Variants in DHRS12 observed in about 807,000 individuals in gnomAD.
The protein encoded by DHRS12 is dehydrogenase/reductase 12, also known as dehydrogenase/reductase SDR family member 12.
In DHRS12, 29 loss-of-function variants were observed where a neutral mutation model predicts 32.1. The observed-to-expected ratio is 0.90, with a 90% CI of 0.67 to 1.23. The LOEUF is 1.23. Among genes scored for constraint, DHRS12 ranks in the 50% most tolerant of loss-of-function variants. DHRS12 has a pLI of 0.00. For synonymous variants in DHRS12, 150 were observed against 135.9 expected (o/e 1.10, Z -0.72); for missense variants, 330 against 337.2 (o/e 0.98, Z 0.17).
Position 51,790,011 on chromosome 13 carries a change from C to A in DHRS12, c.301G>T (p.Gly101Cys). Reference sequence around the variant, plus strand: ...AAATAAGAAAACTTCTTGTACTTACCCAGAGTATTGGCAGCAAAGTTTTTT... The same window carrying A: ...AAATAAGAAAACTTCTTGTACTTACACAGAGTATTGGCAGCAAAGTTTTTT... ...LEKNFAANTL[G>C]VYILTTGLIP... Residue 101 changes from glycine to cysteine, a missense_variant and splice_region_variant, in exon 4 of 9, where the codon GGT (glycine) becomes TGT (cysteine). Physicochemically the swap from Gly to Cys is radical, Grantham distance 159. Coordinates refer to ENST00000444610, the MANE Select transcript of DHRS12 (RefSeq NM_001377533.1). The A allele has an allele frequency of 3.1e-6, 5 of 1,597,506 alleles. No individual in the cohort carries two copies. Among genetic ancestry groups the A allele is most frequent in the Non-Finnish European group, 1.7e-6 (2 of 1,174,312 alleles).
chr13:51,770,087 T>A lies in DHRS12; in HGVS notation c.560-794A>T, dbSNP rs114765799. 3.9e-3 allele frequency among the ~76,000 whole-genome samples: 592 copies of A among 152,334 alleles called. 4 individuals are homozygous for A. The highest frequency in any genetic ancestry group is 0.013 in the African/African-American group (546 of 41,566). ...ACAATTAAGAGCCTTACTGAGATCATGGAATTTTAGAGCTAGAAAGGATCA... is the reference window on the plus strand; with the variant it reads ...ACAATTAAGAGCCTTACTGAGATCAAGGAATTTTAGAGCTAGAAAGGATCA... On this transcript the variant is annotated intron_variant, in intron 7 of 8. Transcript: ENST00000444610.
At chr13:51,772,842 G>A in intron 6 of DHRS12, 1 of 985,428 alleles carries the variant, frequency 1.0e-6, no homozygotes. Context: ...CAAATGTCAG[G>A]ATTTGGAGTC....
intron 6 of DHRS12, chr13:51,772,782 T>C (rs1173864499): frequency 4.1e-6 from 4 of 985,386 alleles, no homozygotes; most frequent in Admixed American, 1.2e-4. Flanking sequence ...TACAAGTGGA[T>C]GGTTTATTCC....
intron 4 of DHRS12, among the ~76,000 whole-genome samples, chr13:51,779,673 C>T (rs2139083995): frequency 6.6e-6 from 1 of 152,332 alleles, no homozygotes; most frequent in Non-Finnish European, 1.5e-5. Context: ...ACAGGTTCTC[C>T]TGTCCTGTCC....
chr13:51,768,042 A>C lies in DHRS12; in HGVS notation c.*145T>G. On this transcript the variant is annotated 3_prime_UTR_variant, in exon 9 of 9. Transcript: ENST00000444610. ...TCGGTAGTATTTATTTTGAAATAAA[A>C]GTTCCCATCCCTTGTAGGCCTCGCT... The C allele has an allele frequency of 7.0e-7, 1 of 1,431,248 alleles. No individual in the cohort carries two copies. The highest frequency in any genetic ancestry group is 1.5e-5 in the South Asian group (1 of 65,678). The allele number at this position is 1,431,248 out of a possible 1,614,324, so 88.7% of individuals were successfully genotyped here. A position where few individuals can be genotyped will look rare whatever the true frequency, so the allele number is the denominator to read the frequency against.
rs961440481 is a variant in DHRS12 at position 51,777,261 on chromosome 13, T to C, written c.302-140A>G. 6 of 801,058 alleles carry C rather than the reference T, an allele frequency of 7.5e-6. No individual in the cohort carries two copies. The East Asian group carries it at 1.6e-4, about 21-fold the overall frequency. The allele number at this position is 801,058 out of a possible 1,614,324, so 49.6% of individuals were successfully genotyped here. A position where few individuals can be genotyped will look rare whatever the true frequency, so the allele number is the denominator to read the frequency against. The stretch of plus-strand genomic sequence containing the variant: ...TGGCCACCTGAGGGGCAGTCCCTCC[T>C]TCCGAGGATCCTTCAAGCCAAATGT... On this transcript the variant is annotated intron_variant, in intron 4 of 8. Coordinates refer to ENST00000444610, the MANE Select transcript of DHRS12 (RefSeq NM_001377533.1).
chr13:51,803,953 G>A (rs1380101745), intron 1 of DHRS12, 101 bp downstream of exon 1: 4 of 1,129,870 alleles, frequency 3.5e-6, no homozygotes, highest in South Asian at 2.7e-5. Flanking sequence ...CCCAGCGAGA[G>A]GGCGAAGGAG....
chr13:51,759,973 TATAAA>T, the DHRS12 span: 1 of 514,640 alleles, frequency 1.9e-6, no homozygotes, highest in Non-Finnish European at 3.5e-6. Flanking sequence ...GTTCATACAA[TATAAA>T]AGAAGCTATT....
At chr13:51,783,432 G>A (rs1954813094) in intron 4 of DHRS12, among the ~76,000 whole-genome samples, 2 of 152,148 alleles carry the variant, frequency 1.3e-5, no homozygotes, top group South Asian at 4.1e-4. Flanking sequence ...ACATTGAGCT[G>A]AAAGTTACAA....
chr13:51,755,462 G>T, the DHRS12 span: 8 of 1,612,334 alleles, frequency 5.0e-6, no homozygotes, highest in Non-Finnish European at 6.8e-6. Context: ...TAAGACAGGT[G>T]AGTGATATGG....
chr13:51,758,471 A>T, the DHRS12 span, among the ~76,000 whole-genome samples: 1 of 151,260 alleles, frequency 6.6e-6, no homozygotes, highest in Non-Finnish European at 1.5e-5. Flanking sequence ...GGATTGCTTG[A>T]GTCCAGGAGT....
Position 51,782,038 on chromosome 13 carries a change from G to A in DHRS12, c.302-4917C>T, listed in dbSNP as rs542116851. Among the ~76,000 whole-genome samples the A allele has an allele frequency of 5.9e-5, 9 of 152,222 alleles. No homozygotes were observed. The South Asian group carries it at 6.2e-4, about 11-fold the overall frequency. On this transcript the variant is annotated intron_variant, in intron 4 of 8. Transcript: ENST00000444610. This position sits in a 1 kb window ranked among gnomAD's most constrained non-coding sequence, Gnocchi z 4.2. ...CGTTGTGCAGAGAGTCCAAAGGCAC[G>A]ATCACTGCTTGGATATGAGAAGTGA...
chr13:51,787,792 AT>A, intron 4 of DHRS12, among the ~76,000 whole-genome samples: 2 of 12,920 alleles, frequency 1.5e-4, no homozygotes, highest in South Asian at 2.2e-3. Context: ...TTTATAATAT[AT>A]TAATATATAT....
chr13:51,781,132 T>TG, intron 4 of DHRS12, among the ~76,000 whole-genome samples: 1 of 152,260 alleles, frequency 6.6e-6, no homozygotes, highest in South Asian at 2.1e-4. Flanking sequence ...ATAGTGAGCC[T>TG]GGGGGGCTCA....
chr13:51,773,446 T>C (rs1367900724), intron 6 of DHRS12, among the ~76,000 whole-genome samples: 4 of 152,130 alleles, frequency 2.6e-5, no homozygotes, highest in Non-Finnish European at 4.4e-5. Flanking sequence ...CATTTTGGAT[T>C]TGGGATTTTC....
rs144430552 is a variant in DHRS12 at position 51,779,860 on chromosome 13, C to T, written c.302-2739G>A. On this transcript the variant is annotated intron_variant, in intron 4 of 8. Coordinates refer to ENST00000444610, the MANE Select transcript of DHRS12 (RefSeq NM_001377533.1). The stretch of plus-strand genomic sequence containing the variant: ...CAGTTAGGAAGTCCACCAGTTCTCC[C>T]GGGATAACCAGCTACCCTTTAAAAT... Among the ~76,000 whole-genome samples the T allele has an allele frequency of 3.8e-3, 577 of 152,220 alleles. 1 individual carries two copies. Among genetic ancestry groups the T allele is most frequent in the Middle Eastern group, 0.034 (10 of 294 alleles).
chr13:51,787,071 C>G (rs1481749348), intron 4 of DHRS12, among the ~76,000 whole-genome samples: 3 of 152,154 alleles, frequency 2.0e-5, no homozygotes, highest in Non-Finnish European at 4.4e-5. Flanking sequence ...TGGCATGCCT[C>G]TTTGTGTATT....
At chr13:51,755,388 C>T in the DHRS12 span, 1 of 1,614,120 alleles carries the variant, frequency 6.2e-7, no homozygotes, top group East Asian at 2.2e-5. Flanking sequence ...TGATTCCTGC[C>T]AAAAGTGTGA....
intron 1 of DHRS12, among the ~76,000 whole-genome samples, chr13:51,802,747 C>G (rs768273126): frequency 2.0e-5 from 3 of 152,218 alleles, no homozygotes; most frequent in Admixed American, 6.5e-5. Flanking sequence ...TTTTTCTCTC[C>G]TATTCACTAA....
Sources: allele counts gnomAD v4.1 joint callset (sites outside exome capture counted in the v4.1 genomes callset), GRCh38; gene constraint gnomAD v4.1.1; non-coding constraint Gnocchi (gnomAD v3.1); transcripts MANE v1.5; gene names NCBI Gene and HGNC (gene_info 2026-07-23, HGNC 2026-07-21).